Variants in NCALD observed in about 807,000 individuals in gnomAD.
The protein encoded by NCALD is neurocalcin-delta.
NCALD carries 10 observed loss-of-function variants against 18.6 expected under a neutral mutation model. The ratio of observed to expected loss-of-function variants is 0.54; its 90% confidence interval spans 0.33 to 0.91. The LOEUF is 0.91. Among genes scored for constraint, NCALD ranks in the 40% least tolerant of loss-of-function variants. The probability of loss-of-function intolerance (pLI) is 0.03; values close to 1 mark genes in which losing one functional copy is unlikely to be tolerated. For missense variants in NCALD, 184 were observed against 247.6 expected, an observed-to-expected ratio of 0.74 and a Z score of 1.72; for synonymous variants, 88 against 87.4, an observed-to-expected ratio of 1.01 and a Z score of -0.04.
chr8:102,119,950 C>CT (rs1353110897), intron 1 of NCALD, among the ~76,000 whole-genome samples: 1 of 152,182 alleles, frequency 6.6e-6, no homozygotes, highest in Non-Finnish European at 1.5e-5. Flanking sequence ...TCTAGCCAGT[C>CT]AGAACTTAAA....
rs1238097530 is a variant in NCALD at position 101,790,871 on chromosome 8, A to T, written c.-29T>A. 1.3e-5 allele frequency: 2 copies of T among 152,222 alleles called. No homozygotes were observed. The highest frequency in any genetic ancestry group is 1.3e-4 in the Admixed American group (2 of 15,280). The allele number at this position is 152,222 out of a possible 1,614,324, so 9.4% of individuals were successfully genotyped here. On this transcript the variant is annotated 5_prime_UTR_variant, in exon 1 of 4. Coordinates refer to ENST00000220931, the MANE Select transcript of NCALD (RefSeq NM_032041.3). ...AAAGCAAACTAATTACCTCACTCAGAAGAAGTGCAAGATTTAACAGTCCAT... is the reference window on the plus strand; with the variant it reads ...AAAGCAAACTAATTACCTCACTCAGTAGAAGTGCAAGATTTAACAGTCCAT...
intron 4 of NCALD, among the ~76,000 whole-genome samples, chr8:101,810,178 T>C (rs1189352029): frequency 1.3e-5 from 2 of 152,174 alleles, no homozygotes; most frequent in Admixed American, 6.6e-5. Flanking sequence ...GTATAAACTT[T>C]GAAGTCAGGC....
intron 1 of NCALD, among the ~76,000 whole-genome samples, chr8:102,113,403 TA>T (rs1335310996): frequency 2.6e-5 from 4 of 152,172 alleles, no homozygotes; most frequent in African/African-American, 7.2e-5. Context: ...TAACAAAGTG[TA>T]AAAGTAGGTC....
At chr8:101,877,847 T>C (rs923002136) in intron 4 of NCALD, among the ~76,000 whole-genome samples, 11 of 152,216 alleles carry the variant, frequency 7.2e-5, no homozygotes, top group East Asian at 3.9e-4. Flanking sequence ...CACCTCCCCA[T>C]CAAAACAAGC....
intron 1 of NCALD, among the ~76,000 whole-genome samples, chr8:102,064,438 A>G (rs1380765268): frequency 2.0e-5 from 3 of 152,198 alleles, no homozygotes; most frequent in African/African-American, 4.8e-5. Flanking sequence ...GAATGAATGG[A>G]TGGCTCCCCA....
intron 1 of NCALD, among the ~76,000 whole-genome samples, chr8:102,106,237 T>C (rs1300437078): frequency 6.6e-6 from 1 of 151,172 alleles, no homozygotes; most frequent in African/African-American, 2.4e-5. Context: ...GCCTGGCTAA[T>C]TTTTTTGGTA....
intron 1 of NCALD, among the ~76,000 whole-genome samples, chr8:102,059,467 T>C (rs1390414863): frequency 6.6e-6 from 1 of 152,190 alleles, no homozygotes; most frequent in African/African-American, 2.4e-5. Context: ...AACGAACAAA[T>C]GGATGAAAGG....
intron 1 of NCALD, among the ~76,000 whole-genome samples, chr8:101,750,393 G>C (rs1003400465): frequency 6.6e-6 from 1 of 152,140 alleles, no homozygotes; most frequent in Non-Finnish European, 1.5e-5. Context: ...TCACCGGAGA[G>C]GCCCACCCTG....
intron 4 of NCALD, among the ~76,000 whole-genome samples, chr8:101,884,245 T>A (rs747583854): frequency 1.3e-5 from 2 of 152,244 alleles, no homozygotes; most frequent in South Asian, 4.1e-4. Context: ...CTGCATTTTA[T>A]AGTCTCATAG....
intron 2 of NCALD, among the ~76,000 whole-genome samples, chr8:102,001,023 G>A (rs979781854): frequency 2.0e-4 from 31 of 152,196 alleles, no homozygotes; most frequent in African/African-American, 3.9e-4. Context: ...AAAGCCAGAC[G>A]GAGAATGACT....
chr8:102,091,653 A>G (rs1178403854), intron 1 of NCALD, among the ~76,000 whole-genome samples: 1 of 152,230 alleles, frequency 6.6e-6, no homozygotes, highest in African/African-American at 2.4e-5. Flanking sequence ...TGTACAATAT[A>G]GTGCTGTTGT....
At chr8:101,821,641 G>C (rs1423655626) in intron 4 of NCALD, among the ~76,000 whole-genome samples, 2 of 152,082 alleles carry the variant, frequency 1.3e-5, no homozygotes, top group African/African-American at 4.8e-5. Flanking sequence ...TGACACTATG[G>C]AAGTCATCAA....
In NCALD at chr8:101,688,284, T is replaced by C. The variant is rs1208580678; in HGVS notation, c.*1025A>G. Reference sequence around the variant, plus strand: ...ACTACCACCTGCTCTGCATCTGCCCTCTAGGCATGGCCACTCTGGAAATGC... The same window carrying C: ...ACTACCACCTGCTCTGCATCTGCCCCCTAGGCATGGCCACTCTGGAAATGC... On this transcript the variant is annotated 3_prime_UTR_variant, in exon 4 of 4. Coordinates refer to ENST00000220931, the MANE Select transcript of NCALD (RefSeq NM_032041.3). The C allele has an allele frequency of 2.5e-5, 5 of 201,170 alleles. No homozygotes were observed. Among genetic ancestry groups the C allele is most frequent in the African/African-American group, 1.2e-4 (5 of 42,702 alleles). The allele number at this position is 201,170 out of a possible 1,614,324, so 12.5% of individuals were successfully genotyped here. A position where few individuals can be genotyped will look rare whatever the true frequency, so the allele number is the denominator to read the frequency against.
At chr8:101,774,267 G>A (rs916613853) in intron 1 of NCALD, among the ~76,000 whole-genome samples, 5 of 152,304 alleles carry the variant, frequency 3.3e-5, no homozygotes, top group Middle Eastern at 3.4e-3. Context: ...CAAAGCCAAT[G>A]CTGTCTTGTT....
At chr8:101,705,224 A>AAAATAAATAAATAAATAAAT (rs548716899) in intron 2 of NCALD, among the ~76,000 whole-genome samples, 30 of 151,664 alleles carry the variant, frequency 2.0e-4, no homozygotes, top group African/African-American at 6.3e-4. Context: ...ACTTCATCTC[A>AAAATAAATAAATAAATAAAT]AAATAAATAA....
At chr8:101,855,231 T>A (rs1815259461) in intron 4 of NCALD, among the ~76,000 whole-genome samples, 1 of 152,164 alleles carries the variant, frequency 6.6e-6, no homozygotes, top group Non-Finnish European at 1.5e-5. Flanking sequence ...AGGAGGATAA[T>A]ACCCCATCCC....
intron 1 of NCALD, among the ~76,000 whole-genome samples, chr8:101,741,936 CA>C (rs71278804): frequency 0.12 from 8,988 of 75,986 alleles, 703 homozygotes; most frequent in African/African-American, 0.28. Context: ...AAGCCTGTCT[CA>C]AAAAAAAAAA....
At chr8:101,944,717 G>A (rs1013451440) in intron 2 of NCALD, among the ~76,000 whole-genome samples, 125 of 152,234 alleles carry the variant, frequency 8.2e-4, no homozygotes, top group Middle Eastern at 3.4e-3. Context: ...CTGACAATGC[G>A]CTTCCAATGG....
intron 1 of NCALD, among the ~76,000 whole-genome samples, chr8:102,031,826 A>T (rs1021236807): frequency 1.3e-5 from 2 of 152,202 alleles, no homozygotes; most frequent in African/African-American, 4.8e-5. Context: ...TTCATTAATC[A>T]TAGAACTCCG....
Sources: allele counts gnomAD v4.1 joint callset (sites outside exome capture counted in the v4.1 genomes callset), GRCh38; gene constraint gnomAD v4.1.1; transcripts MANE v1.5; gene names NCBI Gene and HGNC (gene_info 2026-07-23, HGNC 2026-07-21).